TATDN2: variants seen among roughly 807,000 people sequenced by gnomAD.
TATDN2 encodes the protein TatD DNase domain containing 2.
In TATDN2, 44 loss-of-function variants were observed where a neutral mutation model predicts 60.3. The ratio of observed to expected loss-of-function variants is 0.73; its 90% CI spans 0.57 to 0.94. The LOEUF (loss-of-function observed/expected upper bound fraction) is 0.94. Among genes scored for constraint, TATDN2 ranks in the 40% least tolerant of loss-of-function variants. TATDN2 has a pLI of 0.00. For missense variants in TATDN2, 997 were observed against 948.0 expected (o/e 1.05, Z -0.68); for synonymous variants, 399 against 355.8 (o/e 1.12, Z -1.37).
At chr3:10,264,583 A>G (rs937827078) in intron 3 of TATDN2, among the ~76,000 whole-genome samples, 4 of 151,294 alleles carry the variant, frequency 2.6e-5, no homozygotes, top group Non-Finnish European at 4.4e-5. Context: ...TGGACCATCT[A>G]TTTTATGCTT....
In TATDN2 at chr3:10,251,476, C is replaced by G. The variant is rs565113226; in HGVS notation, c.414+1862C>G. On this transcript the variant is annotated intron_variant, in intron 2 of 7. Transcript: ENST00000448281. Reference sequence around the variant, plus strand: ...TCTCTGCTCACTGCAGCCTCCACCTCCTGGGTTCAAACAATTCTCCTGCCT... The same window carrying G: ...TCTCTGCTCACTGCAGCCTCCACCTGCTGGGTTCAAACAATTCTCCTGCCT... Among the ~76,000 whole-genome samples, 151 of 152,186 alleles carry G rather than the reference C, an allele frequency of 9.9e-4. 2 individuals are homozygous for G. The highest frequency in any genetic ancestry group is 3.3e-3 in the African/African-American group (137 of 41,530).
At position 10,278,821 on chromosome 3, in the gene TATDN2, G is replaced by T; in HGVS notation, c.2146-64G>T. ...CCTTGCTGGGGAAGGGACAGGGAGG[G>T]AGTTCTAGATTATGACTGTGCACAC... On this transcript the variant is annotated intron_variant, in intron 6 of 7. Transcript: ENST00000448281. This position sits in a 1 kb window ranked among gnomAD's most constrained non-coding sequence, Gnocchi z 4.7. The T allele has an allele frequency of 1.9e-6, 3 of 1,611,732 alleles. No individual in the cohort carries two copies. The highest frequency in any genetic ancestry group is 2.5e-6 in the Non-Finnish European group (3 of 1,179,314).
chr3:10,266,291 T>C (rs1332973651), intron 3 of TATDN2, among the ~76,000 whole-genome samples: 2 of 152,268 alleles, frequency 1.3e-5, no homozygotes, highest in Non-Finnish European at 2.9e-5. Context: ...GTTTTCTGTC[T>C]AATGTAGATC....
intron 2 of TATDN2, among the ~76,000 whole-genome samples, chr3:10,257,108 C>T (rs1698318430): frequency 1.5e-5 from 2 of 132,288 alleles, no homozygotes; most frequent in South Asian, 5.9e-4. Context: ...GAAACCCCAT[C>T]TCTACTAAAA....
intron 2 of TATDN2, among the ~76,000 whole-genome samples, chr3:10,250,755 C>T (rs1161580619): frequency 6.6e-6 from 1 of 152,198 alleles, no homozygotes; most frequent in Non-Finnish European, 1.5e-5. Context: ...TTGAAAAGCC[C>T]TGTCTCTAGC....
At chr3:10,255,401 G>A (rs1698294278) in intron 2 of TATDN2, among the ~76,000 whole-genome samples, 2 of 152,188 alleles carry the variant, frequency 1.3e-5, no homozygotes, top group Middle Eastern at 3.4e-3. Flanking sequence ...TCCCGGTTCT[G>A]CCACTTACAA....
intron 4 of TATDN2, 145 bp downstream of exon 4, chr3:10,271,160 A>G: frequency 2.0e-6 from 2 of 991,392 alleles, no homozygotes; most frequent in Non-Finnish European, 2.8e-6. Context: ...CAGACCATCT[A>G]GATGCCATTT....
intron 2 of TATDN2, among the ~76,000 whole-genome samples, chr3:10,259,097 C>A (rs905207546): frequency 4.6e-5 from 7 of 152,170 alleles, no homozygotes; most frequent in Admixed American, 1.3e-4. Context: ...GTCTTGAACT[C>A]CTGAGCCTAA....
chr3:10,272,872 C>CA (rs796447999), intron 4 of TATDN2, among the ~76,000 whole-genome samples: 34,330 of 133,552 alleles, frequency 0.26, 5,358 homozygotes, highest in East Asian at 0.65. Context: ...CTATCTCTAC[C>CA]AAAAAAAAAA....
At chr3:10,252,060 A>G (rs1698239155) in intron 2 of TATDN2, among the ~76,000 whole-genome samples, 1 of 148,552 alleles carries the variant, frequency 6.7e-6, no homozygotes, top group African/African-American at 2.5e-5. Flanking sequence ...AGGCAGGAGA[A>G]TGGCATGAAC....
intron 4 of TATDN2, 48 bp downstream of exon 4, chr3:10,271,063 G>A (rs905300459): frequency 1.3e-6 from 2 of 1,499,164 alleles, no homozygotes; most frequent in Non-Finnish European, 1.8e-6. Context: ...TTTTCTTTTA[G>A]TTGTTGAAGC....
Position 10,278,467 on chromosome 3 carries a change from G to C in TATDN2, c.2145+5G>C. On this transcript the variant is annotated splice_donor_5th_base_variant and intron_variant, in intron 6 of 7. Coordinates refer to ENST00000448281, the MANE Select transcript of TATDN2 (RefSeq NM_014760.4). This position sits in a 1 kb window ranked among gnomAD's most constrained non-coding sequence, Gnocchi z 4.7. ...CCCTATTTCCTCCCTCGCCAGGTAA[G>C]GGGGTCTTCAGGCTGAGTGGAGGCA... The C allele has an allele frequency of 6.2e-7, 1 of 1,608,986 alleles. No individual in the cohort carries two copies. The highest frequency in any genetic ancestry group is 1.3e-5 in the African/African-American group (1 of 74,974).
chr3:10,271,016 G>A lies in TATDN2; in HGVS notation c.1833+1G>A. 3 of 1,552,168 alleles carry A rather than the reference G, an allele frequency of 1.9e-6. No individual in the cohort carries two copies. Among genetic ancestry groups the A allele is most frequent in the Non-Finnish European group, 2.6e-6 (3 of 1,154,784 alleles). On this transcript the variant is annotated splice_donor_variant, in intron 4 of 7. Coordinates refer to ENST00000448281, the MANE Select transcript of TATDN2 (RefSeq NM_014760.4). LOFTEE classifies it high-confidence loss of function. ...CACGCCTGTCCCAGAACAGCACAAG[G>A]TAACAAGGCTCTCTTTAGTCTGCTT...
intron 3 of TATDN2, among the ~76,000 whole-genome samples, chr3:10,263,776 G>A (rs909620099): frequency 2.0e-5 from 3 of 152,132 alleles, no homozygotes; most frequent in African/African-American, 7.2e-5. Context: ...GTAATCTTTG[G>A]TTGTCTGTTT....
intron 2 of TATDN2, among the ~76,000 whole-genome samples, chr3:10,259,131 C>G (rs1359953153): frequency 6.6e-6 from 1 of 152,168 alleles, no homozygotes; most frequent in East Asian, 1.9e-4. Flanking sequence ...CTTGGCCTCC[C>G]AAAGTGTTGG....
chr3:10,276,628 G>A (rs1013934081), intron 5 of TATDN2, 140 bp downstream of exon 5: 3 of 1,247,464 alleles, frequency 2.4e-6, no homozygotes, highest in African/African-American at 3.1e-5. Context: ...TCACCCTGTC[G>A]CCCAGGCTGG....
intron 2 of TATDN2, among the ~76,000 whole-genome samples, chr3:10,254,122 A>G (rs1444107894): frequency 1.3e-5 from 2 of 152,322 alleles, no homozygotes; most frequent in African/African-American, 4.8e-5. Context: ...CACTTGGCAC[A>G]TGTCTAGTGC....
intron 2 of TATDN2, among the ~76,000 whole-genome samples, chr3:10,252,772 C>T (rs2125171242): frequency 6.6e-6 from 1 of 151,542 alleles, no homozygotes; most frequent in East Asian, 1.9e-4. Context: ...CTCACTGCAT[C>T]TCAACCTCCT....
chr3:10,256,010 C>G (rs1270110230), intron 2 of TATDN2, among the ~76,000 whole-genome samples: 1 of 152,132 alleles, frequency 6.6e-6, no homozygotes, highest in Non-Finnish European at 1.5e-5. Context: ...CATCACCTCC[C>G]CATTTTATGT....
Sources: allele counts gnomAD v4.1 joint callset (sites outside exome capture counted in the v4.1 genomes callset), GRCh38; gene constraint gnomAD v4.1.1; non-coding constraint Gnocchi (gnomAD v3.1); transcripts MANE v1.5; gene names NCBI Gene and HGNC (gene_info 2026-07-23, HGNC 2026-07-21).